The following PDE10A variants were observed in gnomAD, a reference collection of about 807,000 sequenced individuals.
PDE10A encodes phosphodiesterase 10A.
In PDE10A, 39 loss-of-function variants were observed where a neutral mutation model predicts 97.7. The ratio of observed to expected loss-of-function variants is 0.40; its 90% confidence interval spans 0.31 to 0.52. The LOEUF (loss-of-function observed/expected upper bound fraction) is 0.52. PDE10A is among the 20% of genes least tolerant of loss of function. The pLI, the probability that PDE10A is intolerant of heterozygous loss-of-function variation, is 0.56. For synonymous variants in PDE10A, 371 were observed against 376.8 expected (o/e 0.98, Z 0.18); for missense variants, 731 against 1,047.8 (o/e 0.70, Z 4.17).
chr6:165,802,031 GC>G (rs1168631883), intron 1 of PDE10A, among the ~76,000 whole-genome samples: 5 of 152,202 alleles, frequency 3.3e-5, no homozygotes, highest in Non-Finnish European at 2.9e-5. Context: ...ACAGATGGAT[GC>G]AGCTGATTTT....
intron 1 of PDE10A, among the ~76,000 whole-genome samples, chr6:165,680,037 AACTGTTGGGT>A (rs1033413843): frequency 3.8e-4 from 58 of 151,998 alleles, no homozygotes; most frequent in African/African-American, 2.9e-4. Context: ...CCATGGTGGG[AACTGTTGGGT>A]ACTGTTGGGT....
chr6:165,627,954 T>C (rs1157923587), intron 1 of PDE10A, among the ~76,000 whole-genome samples: 1 of 152,216 alleles, frequency 6.6e-6, no homozygotes, highest in Non-Finnish European at 1.5e-5. Context: ...TTGAAAGCAA[T>C]TTATTCTTAC....
At chr6:165,599,284 T>C (rs904582928) in intron 1 of PDE10A, among the ~76,000 whole-genome samples, 2 of 152,218 alleles carry the variant, frequency 1.3e-5, no homozygotes, top group Non-Finnish European at 2.9e-5. Flanking sequence ...GCCTTCACCT[T>C]TATAAGGCAA....
intron 1 of PDE10A, among the ~76,000 whole-genome samples, chr6:165,558,678 A>G (rs961260974): frequency 1.3e-5 from 2 of 152,182 alleles, no homozygotes; most frequent in Admixed American, 6.5e-5. Flanking sequence ...CCCCAATGCA[A>G]TGTAATTCAT....
At chr6:165,624,904 G>C (rs891600011) in intron 1 of PDE10A, among the ~76,000 whole-genome samples, 1 of 152,238 alleles carries the variant, frequency 6.6e-6, no homozygotes, top group African/African-American at 2.4e-5. Flanking sequence ...AGTCTGGGGA[G>C]ACCCGTTGGT....
chr6:165,650,508 G>C (rs1789628368), intron 1 of PDE10A, among the ~76,000 whole-genome samples: 2 of 152,150 alleles, frequency 1.3e-5, no homozygotes, highest in Non-Finnish European at 2.9e-5. Context: ...CTGAGTGTGT[G>C]TGTATGTTGT....
At chr6:165,880,854 C>A (rs1022278752) in intron 1 of PDE10A, among the ~76,000 whole-genome samples, 2 of 152,040 alleles carry the variant, frequency 1.3e-5, no homozygotes, top group African/African-American at 2.4e-5. Context: ...CCAAAGCATT[C>A]TTTTTTGCCA....
chr6:165,542,612 C>CTTTTTTTTTTTTTTTT lies in PDE10A; in HGVS notation c.994+812_994+827dup, dbSNP rs545149187. ...TTTAGGTCAAAAAGATGTCCTTGTT[C>CTTTTTTTTTTTTTTTT]TTTTTTTTTTTTTTTTTTTTTTTTT... On this transcript the variant is annotated intron_variant, in intron 2 of 21. Coordinates refer to ENST00000539869, the MANE Select transcript of PDE10A (RefSeq NM_001385079.1). Among the ~76,000 whole-genome samples, 21 of 76,454 alleles carry CTTTTTTTTTTTTTTTT rather than the reference C, an allele frequency of 2.7e-4. 1 individual carries two copies. Among genetic ancestry groups the CTTTTTTTTTTTTTTTT allele is most frequent in the African/African-American group, 5.5e-4 (12 of 21,802 alleles). The allele number at this position is 76,454 out of a possible 152,430, so 50.2% of individuals were successfully genotyped here. A position where few individuals can be genotyped will look rare whatever the true frequency, so the allele number is the denominator to read the frequency against.
intron 1 of PDE10A, among the ~76,000 whole-genome samples, chr6:165,981,407 G>C (rs1354401455): frequency 6.6e-6 from 1 of 152,180 alleles, no homozygotes; most frequent in Non-Finnish European, 1.5e-5. Context: ...CATAATCAAA[G>C]TCACAGAAAT....
intron 1 of PDE10A, among the ~76,000 whole-genome samples, chr6:165,634,236 G>A (rs948994901): frequency 2.6e-5 from 4 of 152,060 alleles, no homozygotes; most frequent in South Asian, 2.1e-4. Context: ...TGTCTGCAGC[G>A]GTGCCCACTG....
At chr6:165,340,349 A>G (rs1781902464) in intron 19 of PDE10A, among the ~76,000 whole-genome samples, 1 of 152,164 alleles carries the variant, frequency 6.6e-6, no homozygotes, top group Non-Finnish European at 1.5e-5. Flanking sequence ...CAGCCTAGAA[A>G]CTTCCCAGAC....
chr6:165,672,595 T>G (rs58593658), intron 1 of PDE10A, among the ~76,000 whole-genome samples: 1 of 152,026 alleles, frequency 6.6e-6, no homozygotes, highest in Non-Finnish European at 1.5e-5. Context: ...AATTGAATCA[T>G]GAAGGCAGTT....
chr6:165,379,262 A>G lies in PDE10A; in HGVS notation c.2715T>C (p.Phe905=). The change falls in exon 18 of 22, where the codon TTT becomes TTC. Residue 905 remains phenylalanine, a synonymous_variant. Coordinates refer to ENST00000539869, the MANE Select transcript of PDE10A (RefSeq NM_001385079.1). The part of the protein sequence containing the change: ...AIIATDLALY[F]GNRKQLEEMY... The stretch of plus-strand genomic sequence containing the variant: ...TCTCTTCCAACTGCTTCCTGTTTCC[A>G]AAGTATAAAGCAAGGTCTGTGGCAA... 1.2e-6 allele frequency: 2 copies of G among 1,613,814 alleles called. No homozygotes were observed. Among genetic ancestry groups the G allele is most frequent in the South Asian group, 1.1e-5 (1 of 91,064 alleles).
In PDE10A at chr6:165,711,398, T is replaced by G. The variant is rs942171770; in HGVS notation, c.-614-167830A>C. On this transcript the variant is annotated intron_variant, in intron 1 of 19. Transcript: ENST00000366882. This position sits in a 1 kb window ranked among gnomAD's most constrained non-coding sequence, Gnocchi z 4.5. ...CACGTGCAAACACAGGTCCTAATGC[T>G]TGATTCAGAGCCACGGAGACCAGAA... Among the ~76,000 whole-genome samples the G allele has an allele frequency of 6.6e-6, 1 of 152,166 alleles. No homozygotes were observed.
intron 1 of PDE10A, among the ~76,000 whole-genome samples, chr6:165,689,669 C>T (rs889307981): frequency 3.9e-5 from 6 of 152,178 alleles, no homozygotes; most frequent in African/African-American, 1.2e-4. Flanking sequence ...CCGCCGTGAG[C>T]GGAAGCTTCC....
intron 1 of PDE10A, among the ~76,000 whole-genome samples, chr6:165,860,352 C>G (rs749590119): frequency 1.3e-5 from 2 of 152,170 alleles, no homozygotes; most frequent in Non-Finnish European, 2.9e-5. Context: ...ACTCGGGAGG[C>G]TGAGGCAGGA....
chr6:165,356,029 A>G (rs887383845), intron 18 of PDE10A, among the ~76,000 whole-genome samples: 1 of 152,156 alleles, frequency 6.6e-6, no homozygotes, highest in Non-Finnish European at 1.5e-5. Flanking sequence ...CAAGTATTAT[A>G]TGGCTGCAGG....
intron 3 of PDE10A, among the ~76,000 whole-genome samples, chr6:165,468,617 T>C (rs1170462886): frequency 6.6e-6 from 1 of 152,180 alleles, no homozygotes; most frequent in Non-Finnish European, 1.5e-5. Flanking sequence ...TATTTAGCAG[T>C]GTGTCAAGCA....
At chr6:165,384,693 A>C (rs1379591153) in intron 17 of PDE10A, among the ~76,000 whole-genome samples, 1 of 144,228 alleles carries the variant, frequency 6.9e-6, no homozygotes, top group African/African-American at 2.6e-5. Context: ...ACTAAAGGTT[A>C]GCTTTTCAAG....
Sources: gnomAD v4.1 joint callset for allele counts (sites outside exome capture counted in the v4.1 genomes callset) on GRCh38, gnomAD v4.1.1 for gene constraint, Gnocchi (gnomAD v3.1) non-coding constraint, MANE v1.5 for transcripts, NCBI Gene and HGNC (gene_info 2026-07-23, HGNC 2026-07-21) for gene names.